ZFP42: variants seen among roughly 807,000 people sequenced by gnomAD.
ZFP42 encodes the protein zinc finger protein 42 homolog.
For missense variants in ZFP42, 438 were observed against 377.1 expected, an observed-to-expected ratio of 1.16 and a Z score of -1.34; for synonymous variants, 175 against 144.6, an observed-to-expected ratio of 1.21 and a Z score of -1.51.
Position 188,003,087 on chromosome 4 carries a change from T to A in ZFP42, c.280T>A (p.Ser94Thr). 1 of 1,614,032 alleles carries A rather than the reference T, an allele frequency of 6.2e-7. No individual in the cohort carries two copies. Residue 94 changes from serine (S) to threonine (T), a missense_variant, in exon 4 of 4, where the codon TCC (serine) becomes ACC (threonine). By Grantham distance (58) the Ser-to-Thr change is moderately conservative. Transcript: ENST00000326866. ...PILEEDSLFE[S>T]LEYLKKGSEQ... The stretch of plus-strand genomic sequence containing the variant: ...CCTGGAAGAGGACTCACTTTTTGAG[T>A]CCTTGGAATACCTAAAGAAAGGATC...
chr4:188,002,581 C>T, intron 3 of ZFP42, 132 bp from the exon 4 acceptor site: 1 of 550,816 alleles, frequency 1.8e-6, no homozygotes, highest in Non-Finnish European at 3.3e-6. Flanking sequence ...TTACACAGAG[C>T]TCATTCTTGG....
chr4:187,998,621 A>T (rs1019128112), intron 1 of ZFP42, among the ~76,000 whole-genome samples: 2 of 152,118 alleles, frequency 1.3e-5, no homozygotes, highest in South Asian at 4.1e-4. Flanking sequence ...TTCTGTTTGG[A>T]TATGTTTATA....
chr4:188,003,156 GAATGTT>G lies in ZFP42; in HGVS notation c.350_355del (p.Glu117_Ser119delinsAla). The G allele has an allele frequency of 6.2e-7, 1 of 1,614,050 alleles. No homozygotes were observed. Among genetic ancestry groups the G allele is most frequent in the East Asian group, 2.2e-5 (1 of 44,872 alleles). ...AAAGGTTTTCGAAGCAAGCTCCCTT[GAATGTT>G]CTTTGGAATACATGAAAAAAGGGGT... On this transcript the variant is annotated inframe_deletion, in exon 4 of 4. Transcript: ENST00000326866.
rs1345532410 is a variant in ZFP42, at chr4:188,004,921, T to G, written c.*1181T>G. ...AAAGTCAACTGTATTTCATTGTGAT[T>G]TTTGTTTTCTTTTTATCATTGTATC... On this transcript the variant is annotated 3_prime_UTR_variant, in exon 4 of 4. Transcript: ENST00000326866. 1 of 167,122 alleles carries G rather than the reference T, an allele frequency of 6.0e-6. No homozygotes were observed. Among genetic ancestry groups the G allele is most frequent in the Non-Finnish European group, 1.5e-5 (1 of 68,118 alleles). The allele number at this position is 167,122 out of a possible 1,614,324, so 10.4% of individuals were successfully genotyped here. A position where few individuals can be genotyped will look rare whatever the true frequency, so the allele number is the denominator to read the frequency against.
Position 188,002,925 on chromosome 4 carries a change from A to G in ZFP42, c.118A>G (p.Ile40Val). 2 of 1,614,204 alleles carry G rather than the reference A, an allele frequency of 1.2e-6. No homozygotes were observed. Among genetic ancestry groups the G allele is most frequent in the African/African-American group, 2.7e-5 (2 of 75,056 alleles). The change falls in exon 4 of 4, where the codon ATA becomes GTA. Residue 40 changes from isoleucine to valine, a missense_variant. Transcript: ENST00000326866. Reference protein sequence around the residue: ...GKSSQDLQAEIEPVSAVWALC... With the variant: ...GKSSQDLQAEVEPVSAVWALC... ...GTCAAGCCAAGACCTGCAGGCGGAA[A>G]TAGAACCTGTCAGCGCGGTGTGGGC...
intron 1 of ZFP42, among the ~76,000 whole-genome samples, chr4:187,996,673 C>T (rs1314637309): frequency 2.6e-5 from 4 of 152,084 alleles, no homozygotes; most frequent in Non-Finnish European, 5.9e-5. Context: ...AGCTGCAGGG[C>T]GAGGGGGTGG....
At chr4:188,002,392 G>T (rs1733860301) in intron 3 of ZFP42, among the ~76,000 whole-genome samples, 2 of 152,158 alleles carry the variant, frequency 1.3e-5, no homozygotes, top group South Asian at 4.1e-4. Context: ...TCATGAGTAT[G>T]TCTACTCCAT....
At chr4:187,997,919 G>C (rs113347767) in intron 1 of ZFP42, among the ~76,000 whole-genome samples, 1,545 of 152,284 alleles carry the variant, frequency 0.01, 25 homozygotes, top group African/African-American at 0.036. Context: ...TTTTTAAACA[G>C]ACAAAATTTT....
In ZFP42 at chr4:188,003,465, G is replaced by A. The variant is rs1733925458; in HGVS notation, c.658G>A (p.Ala220Thr). ...TCATGGTCCCCGAGACCACGTCTGT[G>A]CGGAATGTGGGAAAGCGTTCGTTGA... ...LIHGPRDHVCAECGKAFVESS... is the reference protein window; with the variant it reads ...LIHGPRDHVCTECGKAFVESS... The change falls in exon 4 of 4, where the codon GCG becomes ACG. Residue 220 changes from alanine (A) to threonine (T), a missense_variant. Ala to Thr is a moderately conservative substitution (Grantham distance 58). Coordinates refer to ENST00000326866, the MANE Select transcript of ZFP42 (RefSeq NM_174900.5). 6.2e-7 allele frequency: 1 copy of A among 1,614,040 alleles called. No individual in the cohort carries two copies. The highest frequency in any genetic ancestry group is 8.5e-7 in the Non-Finnish European group (1 of 1,180,030).
At chr4:188,001,904 C>A (rs1175219812) in intron 3 of ZFP42, among the ~76,000 whole-genome samples, 1 of 152,214 alleles carries the variant, frequency 6.6e-6, no homozygotes, top group Admixed American at 6.5e-5. Flanking sequence ...TAGGGCCAGG[C>A]ATGGTGGCTC....
In ZFP42 at chr4:187,997,121, G is replaced by A. The variant is rs149579977; in HGVS notation, c.-339+1281G>A. Among the ~76,000 whole-genome samples, 985 of 151,860 alleles carry A rather than the reference G, an allele frequency of 6.5e-3. 8 individuals are homozygous for A. The highest frequency in any genetic ancestry group is 0.022 in the African/African-American group (929 of 41,440). ...TTCGCTCGTCTCTTCCCACCCCCGT[G>A]CACTTTTCCTCCTGCCCACATCTGG... On this transcript the variant is annotated intron_variant, in intron 1 of 3. Transcript: ENST00000326866.
chr4:187,998,181 A>G (rs1733674102), intron 1 of ZFP42, among the ~76,000 whole-genome samples: 1 of 152,146 alleles, frequency 6.6e-6, no homozygotes. Flanking sequence ...TACTAAAAAT[A>G]CGAAATTAGC....
rs563477425 is a variant in ZFP42 at position 188,004,372 on chromosome 4, T to A, written c.*632T>A. On this transcript the variant is annotated 3_prime_UTR_variant, in exon 4 of 4. Coordinates refer to ENST00000326866, the MANE Select transcript of ZFP42 (RefSeq NM_174900.5). ...TCTCGCTCTGTCACCCAGGCTGGAG[T>A]CTAGTGTCGTGATCTTGGCTCACTG... 1.3e-5 allele frequency: 2 copies of A among 152,402 alleles called. No homozygotes were observed. Among genetic ancestry groups the A allele is most frequent in the Admixed American group, 1.3e-4 (2 of 15,284 alleles). The allele number at this position is 152,402 out of a possible 1,614,324, so 9.4% of individuals were successfully genotyped here. A position where few individuals can be genotyped will look rare whatever the true frequency, so the allele number is the denominator to read the frequency against.
chr4:188,001,225 T>C (rs1472397719), intron 3 of ZFP42, among the ~76,000 whole-genome samples: 1 of 152,120 alleles, frequency 6.6e-6, no homozygotes, highest in Non-Finnish European at 1.5e-5. Flanking sequence ...CTTTTACCTT[T>C]GCCTCTTTTT....
rs373571534 is a variant in ZFP42, at chr4:188,003,213, G to A, written c.406G>A (p.Val136Ile). 1.2e-6 allele frequency: 2 copies of A among 1,613,830 alleles called. No homozygotes were observed. Among genetic ancestry groups the A allele is most frequent in the African/African-American group, 2.7e-5 (2 of 74,860 alleles). The change falls in exon 4 of 4, where the codon GTT becomes ATT. Residue 136 changes from valine (V) to isoleucine (I), a missense_variant. Transcript: ENST00000326866. ...AAAGAAAGAGCTTCCACAAAAGATA[G>A]TTGGAGAGAATTCGCTTGAGTATTC... The part of the protein sequence containing the change: ...GVKKELPQKI[V>I]GENSLEYSEY...
In ZFP42 at chr4:188,004,658, TA is replaced by T. The variant is rs1733983761; in HGVS notation, c.*919del. The T allele has an allele frequency of 6.0e-6, 1 of 166,628 alleles. No individual in the cohort carries two copies. Among genetic ancestry groups the T allele is most frequent in the South Asian group, 2.1e-4 (1 of 4,782 alleles). 10.3% of individuals were successfully genotyped at this position (166,628 alleles called of 1,614,324 possible). On this transcript the variant is annotated 3_prime_UTR_variant, in exon 4 of 4. Coordinates refer to ENST00000326866, the MANE Select transcript of ZFP42 (RefSeq NM_174900.5). The stretch of plus-strand genomic sequence containing the variant: ...TTAAACTTAGCTAGGCCTGGTTGCA[TA>T]CGCCTGTGTTCCCAGCTACTCAGGA...
At position 188,003,870 on chromosome 4, in the gene ZFP42, C is replaced by A; in HGVS notation, c.*130C>A. On this transcript the variant is annotated 3_prime_UTR_variant, in exon 4 of 4. Transcript: ENST00000326866. ...CAAAAGCGGTTATAATTTGGTGTTACTAAGATGCTCCTACACTTTGTGATA... is the reference window on the plus strand; with the variant it reads ...CAAAAGCGGTTATAATTTGGTGTTAATAAGATGCTCCTACACTTTGTGATA... 1 of 917,742 alleles carries A rather than the reference C, an allele frequency of 1.1e-6. No individual in the cohort carries two copies. Among genetic ancestry groups the A allele is most frequent in the South Asian group, 1.8e-5 (1 of 54,872 alleles). 56.8% of individuals were successfully genotyped at this position (917,742 alleles called of 1,614,324 possible).
chr4:188,005,023 A>G lies in ZFP42; in HGVS notation c.*1283A>G, dbSNP rs1734000525. The G allele has an allele frequency of 6.0e-6, 1 of 167,106 alleles. No homozygotes were observed. The highest frequency in any genetic ancestry group is 1.5e-5 in the Non-Finnish European group (1 of 68,128). The allele number at this position is 167,106 out of a possible 1,614,324, so 10.4% of individuals were successfully genotyped here. On this transcript the variant is annotated 3_prime_UTR_variant, in exon 4 of 4. Transcript: ENST00000326866. Reference sequence around the variant, plus strand: ...CATTTGAATCCATTTTAGATATTTCACAATTAAAGAATATGAAACTTCAGA... The same window carrying G: ...CATTTGAATCCATTTTAGATATTTCGCAATTAAAGAATATGAAACTTCAGA...
rs61748605 is a variant in ZFP42, at chr4:188,003,447, C to G, written c.640C>G (p.Pro214Ala). The G allele has an allele frequency of 5.2e-3, 8,387 of 1,614,028 alleles. 30 individuals carry two copies. The highest frequency in any genetic ancestry group is 6.1e-3 in the Non-Finnish European group (7,149 of 1,180,010). Residue 214 changes from proline (P) to alanine (A), a missense_variant, in exon 4 of 4, where the codon CCC (proline) becomes GCC (alanine). By Grantham distance (27) the Pro-to-Ala change is conservative. Coordinates refer to ENST00000326866, the MANE Select transcript of ZFP42 (RefSeq NM_174900.5). ...ALRKHLLIHG[P>A]RDHVCAECGK... ...GAGAAAGCATCTCCTCATTCATGGT[C>G]CCCGAGACCACGTCTGTGCGGAATG...
Sources: gnomAD v4.1 joint callset for allele counts (sites outside exome capture counted in the v4.1 genomes callset) on GRCh38, gnomAD v4.1.1 for gene constraint, MANE v1.5 for transcripts, NCBI Gene and HGNC (gene_info 2026-07-23, HGNC 2026-07-21) for gene names.